The following STRN variants were observed in gnomAD, a reference collection of about 807,000 sequenced individuals.
STRN encodes striatin.
Under a neutral mutation model 96.3 loss-of-function variants are expected in STRN, and 53 were observed. The ratio of observed to expected loss-of-function variants is 0.55; its 90% CI spans 0.44 to 0.69. The LOEUF (loss-of-function observed/expected upper bound fraction) is 0.69. Ranked by LOEUF, STRN falls within the 30% of genes least tolerant of loss-of-function variation. The pLI is 0.00. For missense variants in STRN, 987 were observed against 963.9 expected, an observed-to-expected ratio of 1.02 and a Z score of -0.32; for synonymous variants, 428 against 355.9, an observed-to-expected ratio of 1.20 and a Z score of -2.28.
chr2:36,954,608 A>G (rs1054036614), intron 1 of STRN, among the ~76,000 whole-genome samples: 1 of 151,952 alleles, frequency 6.6e-6, no homozygotes, highest in Non-Finnish European at 1.5e-5. Flanking sequence ...CAAAAAAATA[A>G]AAGTATTTAA....
intron 1 of STRN, among the ~76,000 whole-genome samples, chr2:36,945,308 G>A (rs1321282738): frequency 6.6e-6 from 1 of 152,160 alleles, no homozygotes; most frequent in Non-Finnish European, 1.5e-5. Flanking sequence ...GTCTAACTAG[G>A]AGAACTTAAT....
In STRN at chr2:36,883,942, C is replaced by A; in HGVS notation, c.1176G>T (p.Arg392Ser). 2 of 1,394,004 alleles carry A rather than the reference C, an allele frequency of 1.4e-6. No homozygotes were observed. The highest frequency in any genetic ancestry group is 5.3e-5 in the East Asian group (2 of 37,390). 86.4% of individuals were successfully genotyped at this position (1,394,004 alleles called of 1,614,324 possible). Residue 392 changes from arginine to serine, a missense_variant, in exon 9 of 18, where the codon AGG becomes AGT. Arg to Ser is a moderately radical substitution (Grantham distance 110). Coordinates refer to ENST00000263918, the MANE Select transcript of STRN (RefSeq NM_003162.4). The part of the protein sequence containing the change: ...SSRLPEHEIN[R>S]ADEVEALTFP... ...ATCTTAAATACTTACCTTCATCTGC[C>A]CTATTAATTTCATGTTCAGGAAGCC...
chr2:36,845,765 G>GTA lies in STRN; in HGVS notation c.*3689_*3690dup, dbSNP rs1016135830. The GTA allele has an allele frequency of 2.6e-5, 4 of 151,956 alleles. No homozygotes were observed. Among genetic ancestry groups the GTA allele is most frequent in the African/African-American group, 9.7e-5 (4 of 41,326 alleles). The allele number at this position is 151,956 out of a possible 1,614,324, so 9.4% of individuals were successfully genotyped here. ...AATTCACATTCAAAATTCTTGGAAAGTATATATGGTGCTCAGAAGAGCACA... is the reference window on the plus strand; with the variant it reads ...AATTCACATTCAAAATTCTTGGAAAGTATATATATGGTGCTCAGAAGAGCACA... On this transcript the variant is annotated 3_prime_UTR_variant, in exon 18 of 18. Coordinates refer to ENST00000263918, the MANE Select transcript of STRN (RefSeq NM_003162.4).
intron 10 of STRN, among the ~76,000 whole-genome samples, chr2:36,871,623 A>G (rs1406840907): frequency 6.6e-6 from 1 of 152,224 alleles, no homozygotes; most frequent in Non-Finnish European, 1.5e-5. Flanking sequence ...AAATACACCA[A>G]TTCTAACAAC....
At chr2:36,867,956 A>G in intron 11 of STRN, 95 bp from the exon 12 acceptor site, 2 of 930,534 alleles carry the variant, frequency 2.1e-6, no homozygotes, top group Non-Finnish European at 3.2e-6. Flanking sequence ...TACAAACATT[A>G]TGGGAATATA....
intron 15 of STRN, 43 bp from the exon 16 acceptor site, chr2:36,851,150 T>G: frequency 6.6e-7 from 1 of 1,506,154 alleles, no homozygotes; most frequent in Non-Finnish European, 9.2e-7. Context: ...TAGTCAAAGA[T>G]ATTTTTCACA....
intron 8 of STRN, 107 bp downstream of exon 8, chr2:36,886,609 G>C: frequency 1.2e-6 from 1 of 813,104 alleles, no homozygotes; most frequent in Non-Finnish European, 1.9e-6. Flanking sequence ...GAGGTCAGGA[G>C]CAGAAATGAA....
chr2:36,864,925 G>C (rs538368197), intron 12 of STRN, among the ~76,000 whole-genome samples: 3 of 152,232 alleles, frequency 2.0e-5, no homozygotes, highest in Non-Finnish European at 2.9e-5. Context: ...ATGTTGGCCA[G>C]GCTGGTCTCG....
In STRN at chr2:36,899,532, A is replaced by C. The variant is rs1669629522; in HGVS notation, c.786T>G (p.Asp262Glu). 1 of 1,612,376 alleles carries C rather than the reference A, an allele frequency of 6.2e-7. No individual in the cohort carries two copies. The highest frequency in any genetic ancestry group is 8.5e-7 in the Non-Finnish European group (1 of 1,179,630). The change falls in exon 6 of 18, where the codon GAT (aspartate) becomes GAG (glutamate). Residue 262 changes from aspartate (D) to glutamate (E), a missense_variant. Transcript: ENST00000263918. ...DVDGREKSVIDTSTIVRKKAL... is the reference protein window; with the variant it reads ...DVDGREKSVIETSTIVRKKAL... The stretch of plus-strand genomic sequence containing the variant: ...GAGTTATCTAACTCACTGTTGAAGT[A>C]TCAATGACGCTTTTCTCTCTTCCAT...
At chr2:36,853,372 A>G (rs1302783624) in intron 15 of STRN, among the ~76,000 whole-genome samples, 1 of 152,244 alleles carries the variant, frequency 6.6e-6, no homozygotes, top group African/African-American at 2.4e-5. Flanking sequence ...ACTTTAAGTG[A>G]AATATCCCAT....
Position 36,964,752 on chromosome 2 carries a change from T to C in STRN, c.234+1478A>G, listed in dbSNP as rs190045238. On this transcript the variant is annotated intron_variant, in intron 1 of 17. Transcript: ENST00000263918. Reference sequence around the variant, plus strand: ...CACGCTATTCCTGAACTCTGACTTATTTCTTCCTCACAGCAGTTGCCACTA... The same window carrying C: ...CACGCTATTCCTGAACTCTGACTTACTTCTTCCTCACAGCAGTTGCCACTA... 3.9e-5 allele frequency among the ~76,000 whole-genome samples: 6 copies of C among 152,338 alleles called. No homozygotes were observed. In the East Asian group the frequency reaches 9.6e-4, roughly 24 times the overall value.
intron 13 of STRN, among the ~76,000 whole-genome samples, chr2:36,860,447 C>G (rs75184554): frequency 7.6e-4 from 116 of 152,224 alleles, no homozygotes; most frequent in African/African-American, 2.7e-3. Context: ...ATTTCTTATC[C>G]TTACTCTGGT....
At chr2:36,857,735 G>C in intron 14 of STRN, 121 bp downstream of exon 14, 1 of 795,912 alleles carries the variant, frequency 1.3e-6, no homozygotes, top group Non-Finnish European at 1.9e-6. Context: ...ATACACTTTC[G>C]TGGCTTCAAA....
intron 2 of STRN, among the ~76,000 whole-genome samples, chr2:36,918,130 T>C (rs1670158173): frequency 6.6e-6 from 1 of 152,178 alleles, no homozygotes; most frequent in South Asian, 2.1e-4. Flanking sequence ...TTAGAACATC[T>C]ATTTTCAATG....
intron 13 of STRN, among the ~76,000 whole-genome samples, chr2:36,860,883 G>C (rs1009234665): frequency 6.6e-6 from 1 of 152,184 alleles, no homozygotes; most frequent in Non-Finnish European, 1.5e-5. Flanking sequence ...AGTCAAGCCT[G>C]TATTTCCAAT....
At chr2:36,873,309 G>A (rs1455847048) in intron 10 of STRN, among the ~76,000 whole-genome samples, 1 of 152,186 alleles carries the variant, frequency 6.6e-6, no homozygotes, top group Non-Finnish European at 1.5e-5. Flanking sequence ...AAATAATCAT[G>A]TACATAAGGA....
chr2:36,897,871 T>G (rs1161803257), intron 6 of STRN, among the ~76,000 whole-genome samples: 1 of 152,072 alleles, frequency 6.6e-6, no homozygotes, highest in Admixed American at 6.5e-5. Context: ...AAATTTTTTT[T>G]TTAGATATGG....
At chr2:36,906,783 T>C (rs1669831921) in intron 3 of STRN, among the ~76,000 whole-genome samples, 1 of 151,760 alleles carries the variant, frequency 6.6e-6, no homozygotes, top group Non-Finnish European at 1.5e-5. Flanking sequence ...CAAAAATTAG[T>C]GGTGGTGGGT....
At chr2:36,894,132 G>T in intron 6 of STRN, 99 bp from the exon 7 acceptor site, 1 of 1,384,306 alleles carries the variant, frequency 7.2e-7, no homozygotes, top group Non-Finnish European at 9.7e-7. Context: ...TACGTTTGTT[G>T]TGTTAAATAA....
Sources: allele counts gnomAD v4.1 joint callset (sites outside exome capture counted in the v4.1 genomes callset), GRCh38; gene constraint gnomAD v4.1.1; transcripts MANE v1.5; gene names NCBI Gene and HGNC (gene_info 2026-07-23, HGNC 2026-07-21).